FARP1: variants seen among roughly 807,000 people sequenced by gnomAD.
FARP1 encodes the protein FERM, ARHGEF and pleckstrin domain-containing protein 1.
In FARP1, 52 loss-of-function variants were observed where a neutral mutation model predicts 128.8. The ratio of observed to expected loss-of-function variants is 0.40; its 90% confidence interval spans 0.32 to 0.51. The LOEUF (loss-of-function observed/expected upper bound fraction) is 0.51. Ranked by LOEUF, FARP1 falls within the 20% of genes least tolerant of loss-of-function variation. FARP1 has a pLI of 0.45. For synonymous variants in FARP1, 580 were observed against 551.8 expected, an observed-to-expected ratio of 1.05 and a Z score of -0.72; for missense variants, 1,333 against 1,367.9, an observed-to-expected ratio of 0.97 and a Z score of 0.40.
intron 1 of FARP1, among the ~76,000 whole-genome samples, chr13:98,144,424 T>G (rs140138684): frequency 2.0e-5 from 3 of 152,272 alleles, no homozygotes; most frequent in East Asian, 3.9e-4. Flanking sequence ...TGGAACAGTT[T>G]AGCAGCCTCG....
At chr13:98,231,929 G>A (rs1882136146) in intron 2 of FARP1, among the ~76,000 whole-genome samples, 1 of 152,124 alleles carries the variant, frequency 6.6e-6, no homozygotes, top group African/African-American at 2.4e-5. Flanking sequence ...CCAGGTTCAA[G>A]TGATTTTCCT....
intron 3 of FARP1, among the ~76,000 whole-genome samples, chr13:98,350,008 G>T (rs1888347943): frequency 6.6e-6 from 1 of 152,284 alleles, no homozygotes; most frequent in South Asian, 2.1e-4. Context: ...CCTCTGAGGT[G>T]AGGAGGAGCT....
chr13:98,164,717 A>G (rs974103821), intron 1 of FARP1, among the ~76,000 whole-genome samples: 15 of 152,128 alleles, frequency 9.9e-5, no homozygotes, highest in East Asian at 5.8e-4. Flanking sequence ...ATGTGTAAAT[A>G]TGTGTGAAAG....
chr13:98,317,226 A>C (rs1408770546), intron 2 of FARP1, among the ~76,000 whole-genome samples: 1 of 152,200 alleles, frequency 6.6e-6, no homozygotes, highest in Non-Finnish European at 1.5e-5. Context: ...GATTTCAAAC[A>C]TGAAATCTCA....
At chr13:98,182,467 C>T (rs1477451283) in intron 1 of FARP1, among the ~76,000 whole-genome samples, 1 of 152,092 alleles carries the variant, frequency 6.6e-6, no homozygotes, top group Non-Finnish European at 1.5e-5. Flanking sequence ...CTGGGACTTA[C>T]AGGCACACGC....
chr13:98,387,129 C>T (rs1296395073), intron 8 of FARP1, among the ~76,000 whole-genome samples: 2 of 152,048 alleles, frequency 1.3e-5, no homozygotes, highest in South Asian at 2.1e-4. Context: ...GGTGAAACCC[C>T]GTCTCTACTA....
intron 2 of FARP1, among the ~76,000 whole-genome samples, chr13:98,296,487 A>G (rs1419873806): frequency 1.4e-5 from 2 of 142,060 alleles, no homozygotes; most frequent in Admixed American, 7.1e-5. Flanking sequence ...TCCTTCTCCT[A>G]TGTTTCCATG....
At chr13:98,412,257 T>C (rs1891220562) in intron 16 of FARP1, among the ~76,000 whole-genome samples, 1 of 152,222 alleles carries the variant, frequency 6.6e-6, no homozygotes. Flanking sequence ...TGGATTTTTT[T>C]CCCTCTCTTA....
chr13:98,180,295 A>G (rs534524675), intron 1 of FARP1, among the ~76,000 whole-genome samples: 133 of 152,116 alleles, frequency 8.7e-4, no homozygotes, highest in South Asian at 2.1e-3. Context: ...GGGAGGGGCC[A>G]CGTACTTCTA....
intron 13 of FARP1, chr13:98,400,935 G>A (rs780292304): frequency 2.6e-5 from 4 of 151,170 alleles, no homozygotes; most frequent in Admixed American, 6.6e-5. Context: ...GGAACGCTAA[G>A]CATGTGGGAG....
In FARP1 at chr13:98,176,520, C is replaced by T. The variant is rs1198166690; in HGVS notation, c.-24+33028C>T. Reference sequence around the variant, plus strand: ...CGCTTCCCACTTCATGGTTTTCGTCCTCGCAGATACAGTAGCGACCCTCTT... The same window carrying T: ...CGCTTCCCACTTCATGGTTTTCGTCTTCGCAGATACAGTAGCGACCCTCTT... On this transcript the variant is annotated intron_variant, in intron 1 of 26. Transcript: ENST00000319562. The surrounding 1 kb of genome is among the most constrained non-coding windows in gnomAD (Gnocchi z 6.2). 1.2e-6 allele frequency: 2 copies of T among 1,614,064 alleles called. No homozygotes were observed. Among genetic ancestry groups the T allele is most frequent in the Non-Finnish European group, 1.7e-6 (2 of 1,180,042 alleles).
Position 98,395,364 on chromosome 13 carries a change from C to G in FARP1, c.1302C>G (p.Pro434=). The change falls in exon 13 of 27, where the codon CCC becomes CCG. Residue 434 remains proline, a synonymous_variant. Coordinates refer to ENST00000319562, the MANE Select transcript of FARP1 (RefSeq NM_005766.4). ...SHPSPAPRRS[P]AGNKQADGAA... ...CGAGCCCTGCGCCGAGGAGAAGCCC[C>G]GCGGGTAACAAGCAGGCGGACGGAG... is the stretch of plus-strand genomic sequence containing the variant. The G allele has an allele frequency of 6.2e-7, 1 of 1,611,830 alleles. No individual in the cohort carries two copies. The highest frequency in any genetic ancestry group is 1.7e-4 in the Middle Eastern group (1 of 6,012).
intron 1 of FARP1, among the ~76,000 whole-genome samples, chr13:98,169,466 T>G (rs1375629411): frequency 6.6e-6 from 1 of 152,218 alleles, no homozygotes; most frequent in Admixed American, 6.5e-5. Flanking sequence ...GGTGCATGCT[T>G]GTAATTCCAG....
intron 1 of FARP1, among the ~76,000 whole-genome samples, chr13:98,147,560 T>C (rs1405988371): frequency 2.6e-5 from 4 of 152,112 alleles, no homozygotes; most frequent in Admixed American, 2.6e-4. Context: ...CATAAATTTA[T>C]TATCAATTAG....
intron 24 of FARP1, among the ~76,000 whole-genome samples, chr13:98,441,290 A>G (rs1429066386): frequency 6.6e-6 from 1 of 152,200 alleles, no homozygotes; most frequent in Admixed American, 6.5e-5. Context: ...CCCCATCATG[A>G]GGGTCACGGC....
intron 18 of FARP1, chr13:98,432,568 G>A (rs887285666): frequency 1.3e-5 from 2 of 152,290 alleles, no homozygotes; most frequent in Non-Finnish European, 2.9e-5. Flanking sequence ...CACCCACTAG[G>A]AGGGCAAGGC....
At chr13:98,163,081 T>C (rs1028794734) in intron 1 of FARP1, among the ~76,000 whole-genome samples, 2 of 152,118 alleles carry the variant, frequency 1.3e-5, no homozygotes, top group Non-Finnish European at 2.9e-5. Context: ...TAAATTCCCA[T>C]CAATGACAGA....
intron 2 of FARP1, among the ~76,000 whole-genome samples, chr13:98,317,279 A>G (rs1886761347): frequency 6.6e-6 from 1 of 152,188 alleles, no homozygotes; most frequent in African/African-American, 2.4e-5. Flanking sequence ...TTGATTTTAG[A>G]GCTGGGGTCT....
At position 98,176,522 on chromosome 13, in the gene FARP1, C is replaced by T. The variant is rs115981649; in HGVS notation, c.-24+33030C>T. ...CTTCCCACTTCATGGTTTTCGTCCTCGCAGATACAGTAGCGACCCTCTTCA... is the reference window on the plus strand; with the variant it reads ...CTTCCCACTTCATGGTTTTCGTCCTTGCAGATACAGTAGCGACCCTCTTCA... On this transcript the variant is annotated intron_variant, in intron 1 of 26. Transcript: ENST00000319562. This position sits in a 1 kb window ranked among gnomAD's most constrained non-coding sequence, Gnocchi z 6.2. 71 of 1,614,194 alleles carry T rather than the reference C, an allele frequency of 4.4e-5. No individual in the cohort carries two copies. In the East Asian group the frequency reaches 8.5e-4, roughly 19 times the overall value.
Sources: gnomAD v4.1 joint callset for allele counts (sites outside exome capture counted in the v4.1 genomes callset) on GRCh38, gnomAD v4.1.1 for gene constraint, Gnocchi (gnomAD v3.1) non-coding constraint, MANE v1.5 for transcripts, NCBI Gene and HGNC (gene_info 2026-07-23, HGNC 2026-07-21) for gene names.